Variants in PCDHA3 observed in about 807,000 individuals in gnomAD.
The protein encoded by PCDHA3 is protocadherin alpha 3, also known as protocadherin alpha-3.
A neutral mutation model predicts 62.2 loss-of-function variants in PCDHA3; 41 were observed. The ratio of observed to expected loss-of-function variants is 0.66; its 90% CI spans 0.51 to 0.86. The LOEUF (loss-of-function observed/expected upper bound fraction) is 0.86, where lower values mean the gene tolerates loss of function less well. PCDHA3 is among the 40% of genes least tolerant of loss of function. The pLI is 0.00. For missense variants in PCDHA3, 1,304 were observed against 1,241.2 expected (o/e 1.05, Z -0.76); for synonymous variants, 640 against 555.4 (o/e 1.15, Z -2.14).
At chr5:140,814,502 A>G (rs1765530866) in intron 1 of PCDHA3, 1 of 152,008 alleles carries the variant, frequency 6.6e-6, no homozygotes, top group African/African-American at 2.4e-5. Flanking sequence ...GTACACTGTA[A>G]AATACCACTA....
Position 140,857,899 on chromosome 5 carries a change from A to G in PCDHA3, c.2394+54308A>G. On this transcript the variant is annotated intron_variant, in intron 1 of 3. Transcript: ENST00000522353. ...AATTGCAGTCGGCGGCGGTTGGTGC[A>G]CGCATCCCGTTTCGCGTGGGGCTGT... 7 of 1,597,716 alleles carry G rather than the reference A, an allele frequency of 4.4e-6. 1 individual carries two copies. The highest frequency in any genetic ancestry group is 6.0e-6 in the Non-Finnish European group (7 of 1,167,490).
chr5:140,882,926 C>A (rs144073627), intron 1 of PCDHA3: 1 of 1,614,058 alleles, frequency 6.2e-7, no homozygotes, highest in Non-Finnish European at 8.5e-7. Flanking sequence ...TGGAGGTAAA[C>A]CCGAGCTGAC....
chr5:140,928,836 C>G, intron 1 of PCDHA3: 2 of 1,614,168 alleles, frequency 1.2e-6, no homozygotes, highest in South Asian at 2.2e-5. Context: ...CACTTTCCTC[C>G]TCTGTCACTC....
At chr5:140,877,346 G>GGCT (rs1217124440) in intron 1 of PCDHA3, 1 of 1,613,888 alleles carries the variant, frequency 6.2e-7, no homozygotes, top group Non-Finnish European at 8.5e-7. Flanking sequence ...TTCCACGTGG[G>GGCT]GCTGTACACT....
Position 140,802,604 on chromosome 5 carries a change from G to A in PCDHA3, c.1407G>A (p.Pro469=), listed in dbSNP as rs1186324887. ...EYTVFVKENN[P]PGCHIFTVSA... is the part of the protein sequence containing the mutation. ...CGGTGTTCGTGAAGGAGAACAACCC[G>A]CCGGGCTGCCACATCTTCACGGTGT... The change falls in exon 1 of 4, where the codon CCG becomes CCA. Residue 469 remains proline (P), a synonymous_variant. Coordinates refer to ENST00000522353, the MANE Select transcript of PCDHA3 (RefSeq NM_018906.3). 7 of 1,613,984 alleles carry A rather than the reference G, an allele frequency of 4.3e-6. No homozygotes were observed. The highest frequency in any genetic ancestry group is 1.3e-5 in the African/African-American group (1 of 74,956).
At chr5:140,850,471 T>C (rs2150485589) in intron 1 of PCDHA3, 1 of 1,597,870 alleles carries the variant, frequency 6.3e-7, no homozygotes, top group Non-Finnish European at 8.6e-7. Context: ...GAGCCAGCGC[T>C]GACGGCCACG....
Position 140,920,254 on chromosome 5 carries a change from A to G in PCDHA3, c.2395-58695A>G, listed in dbSNP as rs117923328. Reference sequence around the variant, plus strand: ...TATATACCCAACAATACATCGCTATAATAATTATTACTTTATGTAATCTTA... The same window carrying G: ...TATATACCCAACAATACATCGCTATGATAATTATTACTTTATGTAATCTTA... On this transcript the variant is annotated intron_variant, in intron 1 of 3. Transcript: ENST00000522353. Among the ~76,000 whole-genome samples the G allele has an allele frequency of 8.5e-5, 13 of 152,332 alleles. No individual in the cohort carries two copies. In the East Asian group the frequency reaches 2.5e-3, roughly 29 times the overall value.
chr5:140,882,152 GA>G, intron 1 of PCDHA3: 1 of 1,505,314 alleles, frequency 6.6e-7, no homozygotes, highest in East Asian at 2.3e-5. Flanking sequence ...GCAGAAAGCG[GA>G]ATACCTCTTG....
intron 1 of PCDHA3, chr5:140,834,241 G>A: frequency 1.2e-6 from 1 of 811,066 alleles, no homozygotes; most frequent in East Asian, 2.6e-5. Context: ...ATTCCTTTTC[G>A]CACTGGAAAG....
intron 3 of PCDHA3, among the ~76,000 whole-genome samples, chr5:141,002,161 G>T (rs1554258540): frequency 6.6e-6 from 1 of 152,208 alleles, no homozygotes; most frequent in Non-Finnish European, 1.5e-5. Flanking sequence ...CAGAGTGGGC[G>T]GTAGGCAGGC....
At chr5:140,842,786 C>A (rs1554139367) in intron 1 of PCDHA3, 1 of 1,594,526 alleles carries the variant, frequency 6.3e-7, no homozygotes, top group Admixed American at 1.7e-5. Flanking sequence ...GGAGAACGCG[C>A]TGGTGTCCTA....
intron 1 of PCDHA3, chr5:140,966,973 G>C (rs782189736): frequency 6.2e-7 from 1 of 1,602,934 alleles, no homozygotes; most frequent in Non-Finnish European, 8.5e-7. Context: ...GGCTTGAGCT[G>C]CGGCGCTTGG....
intron 1 of PCDHA3, chr5:140,869,875 G>C: frequency 1.2e-6 from 2 of 1,610,396 alleles, no homozygotes. Flanking sequence ...TGCTGCTAAA[G>C]AAACTCTTGT....
At chr5:140,854,696 T>C (rs190246288) in intron 1 of PCDHA3, 1 of 150,200 alleles carries the variant, frequency 6.7e-6, no homozygotes, top group East Asian at 1.9e-4. Flanking sequence ...TTGTTAAGTT[T>C]TCCTTTCTTG....
chr5:140,834,682 C>G, intron 1 of PCDHA3: 5 of 1,614,204 alleles, frequency 3.1e-6, no homozygotes, highest in Non-Finnish European at 4.2e-6. Context: ...GGGCGGAGCG[C>G]GGAGTGCAGC....
At chr5:140,943,376 C>G (rs2093486935) in intron 1 of PCDHA3, among the ~76,000 whole-genome samples, 1 of 150,084 alleles carries the variant, frequency 6.7e-6, no homozygotes, top group Non-Finnish European at 1.5e-5. Flanking sequence ...TTAAAATATA[C>G]AGGTAAGAAA....
At chr5:140,946,948 T>C (rs1315606645) in intron 1 of PCDHA3, among the ~76,000 whole-genome samples, 2 of 151,534 alleles carry the variant, frequency 1.3e-5, no homozygotes, top group African/African-American at 4.8e-5. Context: ...TTAAGAATAA[T>C]GTATATTTCA....
Position 140,801,809 on chromosome 5 carries a change from C to T in PCDHA3, c.612C>T (p.Asp204=). 1 of 1,613,994 alleles carries T rather than the reference C, an allele frequency of 6.2e-7. No homozygotes were observed. The highest frequency in any genetic ancestry group is 8.5e-7 in the Non-Finnish European group (1 of 1,180,028). ...TGAAAAAAAATTTAAATCGAGAGGA[C>T]ACTCCTAAGCATTATTTACTAATAA... The part of the protein sequence containing the change: ...LVLKKNLNRE[D]TPKHYLLITA... The change falls in exon 1 of 4, where the codon GAC becomes GAT. Residue 204 remains aspartate, a synonymous_variant. Transcript: ENST00000522353.
chr5:140,987,789 G>T (rs1356794638), intron 3 of PCDHA3, among the ~76,000 whole-genome samples: 2 of 152,136 alleles, frequency 1.3e-5, no homozygotes, highest in African/African-American at 4.8e-5. Context: ...CTATAGAGAA[G>T]ATTTTTTTAA....
Sources: gnomAD v4.1 joint callset for allele counts (sites outside exome capture counted in the v4.1 genomes callset) on GRCh38, gnomAD v4.1.1 for gene constraint, MANE v1.5 for transcripts, NCBI Gene and HGNC (gene_info 2026-07-23, HGNC 2026-07-21) for gene names.